The following UNC5C variants were observed in gnomAD, a reference collection of about 807,000 sequenced individuals.
UNC5C encodes netrin receptor UNC5C.
Under a neutral mutation model 99.8 loss-of-function variants are expected in UNC5C, and 47 were observed. The ratio of observed to expected loss-of-function variants is 0.47; its 90% CI spans 0.37 to 0.60. UNC5C has a LOEUF of 0.60. UNC5C is among the 20% of genes least tolerant of loss of function. The pLI is 0.00. For synonymous variants in UNC5C, 487 were observed against 452.2 expected (o/e 1.08, Z -0.98); for missense variants, 1,062 against 1,165.9 (o/e 0.91, Z 1.30).
intron 1 of UNC5C, among the ~76,000 whole-genome samples, chr4:95,425,852 T>C (rs976213991): frequency 1.3e-5 from 2 of 152,228 alleles, no homozygotes; most frequent in Non-Finnish European, 1.5e-5. Flanking sequence ...TTAAGTACTG[T>C]TAAATGTAAT....
intron 1 of UNC5C, among the ~76,000 whole-genome samples, chr4:95,402,692 A>G (rs1283388094): frequency 6.6e-6 from 1 of 152,214 alleles, no homozygotes; most frequent in Non-Finnish European, 1.5e-5. Context: ...ACATTTAGCA[A>G]CTATGTCTCT....
At chr4:95,454,855 C>A (rs1747384161) in intron 1 of UNC5C, among the ~76,000 whole-genome samples, 1 of 151,970 alleles carries the variant, frequency 6.6e-6, no homozygotes, top group Non-Finnish European at 1.5e-5. Context: ...TTGATCATAT[C>A]AGTATCCAAA....
At chr4:95,172,500 A>C (rs940529324) in intron 14 of UNC5C, among the ~76,000 whole-genome samples, 21 of 152,230 alleles carry the variant, frequency 1.4e-4, no homozygotes, top group African/African-American at 4.1e-4. Context: ...ATAGGGAATC[A>C]TTTCCCCATT....
intron 7 of UNC5C, among the ~76,000 whole-genome samples, chr4:95,240,098 T>A (rs1739275553): frequency 1.3e-5 from 2 of 152,206 alleles, no homozygotes; most frequent in Non-Finnish European, 2.9e-5. Context: ...GACTATTTAT[T>A]AATGCATTCC....
intron 1 of UNC5C, among the ~76,000 whole-genome samples, chr4:95,479,575 A>G (rs1213115026): frequency 6.6e-6 from 1 of 151,984 alleles, no homozygotes; most frequent in African/African-American, 2.4e-5. Context: ...TGACAACTAT[A>G]GTACCCAGTG....
intron 14 of UNC5C, among the ~76,000 whole-genome samples, chr4:95,171,240 A>C (rs1016227365): frequency 6.6e-6 from 1 of 150,776 alleles, no homozygotes; most frequent in African/African-American, 2.5e-5. Flanking sequence ...TTATTTATTT[A>C]TTATTATTAT....
chr4:95,404,217 A>T (rs189217203), intron 1 of UNC5C, among the ~76,000 whole-genome samples: 1 of 152,322 alleles, frequency 6.6e-6, no homozygotes, highest in East Asian at 1.9e-4. Flanking sequence ...AGTTAGATCT[A>T]ACCATCAAAG....
At position 95,430,985 on chromosome 4, in the gene UNC5C, T is replaced by C. The variant is rs770028237; in HGVS notation, c.125-95354A>G. ...CTTTACATCCCACCTCCTTAGCCAC[T>C]CACACATCATTCTTCATCCAGATTT... On this transcript the variant is annotated intron_variant, in intron 1 of 15. Transcript: ENST00000453304. 7.8e-4 allele frequency among the ~76,000 whole-genome samples: 118 copies of C among 152,076 alleles called. 1 individual carries two copies. Among genetic ancestry groups the C allele is most frequent in the Non-Finnish European group, 2.8e-4 (19 of 67,998 alleles).
chr4:95,235,568 T>G (rs979858532), intron 7 of UNC5C, among the ~76,000 whole-genome samples: 5 of 152,234 alleles, frequency 3.3e-5, no homozygotes, highest in Non-Finnish European at 7.3e-5. Context: ...CATGCCTATG[T>G]CCTGAATGGT....
At chr4:95,268,235 G>T (rs1740525521) in intron 4 of UNC5C, among the ~76,000 whole-genome samples, 1 of 152,068 alleles carries the variant, frequency 6.6e-6, no homozygotes, top group African/African-American at 2.4e-5. Flanking sequence ...CACCGCGCCC[G>T]GCCTGTGATT....
At chr4:95,453,828 T>C (rs1747353657) in intron 1 of UNC5C, among the ~76,000 whole-genome samples, 1 of 152,132 alleles carries the variant, frequency 6.6e-6, no homozygotes, top group African/African-American at 2.4e-5. Flanking sequence ...CCAGGAATTA[T>C]TACTAGGATT....
chr4:95,448,236 G>GAGAGAGAGAGAC (rs1747174799), intron 1 of UNC5C, among the ~76,000 whole-genome samples: 2 of 145,992 alleles, frequency 1.4e-5, no homozygotes, highest in South Asian at 2.2e-4. Flanking sequence ...GTGAGAGAGA[G>GAGAGAGAGAGAC]AGAGAGAGAG....
intron 11 of UNC5C, 114 bp from the exon 12 acceptor site, chr4:95,203,078 C>A: frequency 3.5e-6 from 3 of 868,094 alleles, no homozygotes; most frequent in Non-Finnish European, 5.4e-6. Context: ...GGTCTTTTTT[C>A]TCTCTCAGAG....
chr4:95,163,606 T>G lies in UNC5C; in HGVS notation c.*5628A>C, dbSNP rs1232713968. Reference sequence around the variant, plus strand: ...AAAAATGACACACAATTTAGACATATTTGTAAAAGACCCTTAAATGGTATG... The same window carrying G: ...AAAAATGACACACAATTTAGACATAGTTGTAAAAGACCCTTAAATGGTATG... On this transcript the variant is annotated 3_prime_UTR_variant, in exon 16 of 16. Coordinates refer to ENST00000453304, the MANE Select transcript of UNC5C (RefSeq NM_003728.4). 6.6e-6 allele frequency: 1 copy of G among 152,192 alleles called. No homozygotes were observed. Among genetic ancestry groups the G allele is most frequent in the East Asian group, 1.9e-4 (1 of 5,202 alleles). 9.4% of individuals were successfully genotyped at this position (152,192 alleles called of 1,614,324 possible). A position where few individuals can be genotyped will look rare whatever the true frequency, so the allele number is the denominator to read the frequency against.
chr4:95,173,921 CT>C (rs1736228569), intron 14 of UNC5C, among the ~76,000 whole-genome samples: 1 of 151,926 alleles, frequency 6.6e-6, no homozygotes, highest in African/African-American at 2.4e-5. Context: ...ATTTCAGCTC[CT>C]GTTATTGGTC....
At chr4:95,323,546 C>A (rs1406818954) in intron 2 of UNC5C, among the ~76,000 whole-genome samples, 1 of 152,118 alleles carries the variant, frequency 6.6e-6, no homozygotes, top group Non-Finnish European at 1.5e-5. Flanking sequence ...CTCAAAACTT[C>A]ATGTTTCTAT....
chr4:95,427,501 C>T (rs1746516968), intron 1 of UNC5C, among the ~76,000 whole-genome samples: 2 of 152,104 alleles, frequency 1.3e-5, no homozygotes, highest in Admixed American at 1.3e-4. Flanking sequence ...CACAGTCAAC[C>T]CAGTCTTCAA....
intron 1 of UNC5C, among the ~76,000 whole-genome samples, chr4:95,410,086 A>G (rs1318219193): frequency 2.6e-5 from 4 of 152,210 alleles, no homozygotes; most frequent in South Asian, 4.1e-4. Context: ...TGGGGTGTTT[A>G]GCATGCCATG....
At chr4:95,209,215 CTG>C (rs901248994) in intron 10 of UNC5C, among the ~76,000 whole-genome samples, 4 of 152,158 alleles carry the variant, frequency 2.6e-5, no homozygotes, top group African/African-American at 7.2e-5. Flanking sequence ...TGATGGTACT[CTG>C]TATAATGCTA....
Sources: allele counts gnomAD v4.1 joint callset (sites outside exome capture counted in the v4.1 genomes callset), GRCh38; gene constraint gnomAD v4.1.1; transcripts MANE v1.5; gene names NCBI Gene and HGNC (gene_info 2026-07-23, HGNC 2026-07-21).